The following BRSK1 variants were observed in gnomAD, a reference collection of about 807,000 sequenced individuals.
The protein encoded by BRSK1 is BR serine/threonine kinase 1.
A neutral mutation model predicts 86.2 loss-of-function variants in BRSK1; 17 were observed. The ratio of observed to expected loss-of-function variants is 0.20; its 90% CI spans 0.14 to 0.30. The LOEUF is 0.30. BRSK1 is among the 10% of genes least tolerant of loss of function. BRSK1 has a pLI of 1.00. For missense variants in BRSK1, 719 were observed against 1,071.9 expected, an observed-to-expected ratio of 0.67 and a Z score of 4.60; for synonymous variants, 464 against 440.1, an observed-to-expected ratio of 1.05 and a Z score of -0.68.
At chr19:55,305,723 G>C in intron 16 of BRSK1, 137 bp downstream of exon 16, 1 of 1,362,304 alleles carries the variant, frequency 7.3e-7, no homozygotes, top group Non-Finnish European at 1.0e-6. Context: ...GCCAGAGTTG[G>C]TTAGAAGTCG....
chr19:55,305,136 G>A lies in BRSK1; in HGVS notation c.1718-185G>A, dbSNP rs368135649. Among the ~76,000 whole-genome samples the A allele has an allele frequency of 8.7e-4, 132 of 152,294 alleles. 1 individual carries two copies. The South Asian group carries it at 0.016, about 18-fold the overall frequency. Reference sequence around the variant, plus strand: ...GGAGGACCCCGATTGAAGGGCACGCGCCTTTGGGGCTCTGGATTACCTCCC... The same window carrying A: ...GGAGGACCCCGATTGAAGGGCACGCACCTTTGGGGCTCTGGATTACCTCCC... On this transcript the variant is annotated intron_variant, in intron 14 of 18. Transcript: ENST00000309383.
intron 7 of BRSK1, among the ~76,000 whole-genome samples, chr19:55,301,246 C>T (rs777076221): frequency 6.6e-6 from 1 of 152,184 alleles, no homozygotes; most frequent in African/African-American, 2.4e-5. Flanking sequence ...GAGAGACAAC[C>T]GTTTCGAAAC....
chr19:55,312,533 CAAAAAAAAAAAAAAAA>C lies in BRSK1; in HGVS notation c.*479_*494del, dbSNP rs372052269. ...TCCGTGTCTCTGATTCCGCCGGCGG[CAAAAAAAAAAAAAAAA>C]AAAAAAAAAAAAAGATAATAATAAT... On this transcript the variant is annotated 3_prime_UTR_variant, in exon 19 of 19. Coordinates refer to ENST00000309383, the MANE Select transcript of BRSK1 (RefSeq NM_032430.2). 12 of 25,736 alleles carry C rather than the reference CAAAAAAAAAAAAAAAA, an allele frequency of 4.7e-4. 2 individuals carry two copies. Among genetic ancestry groups the C allele is most frequent in the Admixed American group, 2.1e-3 (3 of 1,456 alleles). 1.6% of individuals were successfully genotyped at this position (25,736 alleles called of 1,614,324 possible). A position where few individuals can be genotyped will look rare whatever the true frequency, so the allele number is the denominator to read the frequency against.
At chr19:55,291,712 T>G (rs10403600) in intron 4 of BRSK1, among the ~76,000 whole-genome samples, 106,624 of 152,056 alleles carry the variant, frequency 0.7, 37,777 homozygotes, top group East Asian at 0.84. Context: ...ACTCAGACTT[T>G]GGGTAAAGCT....
In BRSK1 at chr19:55,306,126, A is replaced by G. The variant is rs1051067890; in HGVS notation, c.1891-126A>G. 4.7e-5 allele frequency: 42 copies of G among 896,304 alleles called. No homozygotes were observed. The highest frequency in any genetic ancestry group is 2.3e-4 in the African/African-American group (14 of 60,128). 55.5% of individuals were successfully genotyped at this position (896,304 alleles called of 1,614,324 possible). A position where few individuals can be genotyped will look rare whatever the true frequency, so the allele number is the denominator to read the frequency against. ...TCCTTGCAGGCAGTGGGGCCTCCCAATGCATTTCCTGTCCTTCTTTCCCTC... is the reference window on the plus strand; with the variant it reads ...TCCTTGCAGGCAGTGGGGCCTCCCAGTGCATTTCCTGTCCTTCTTTCCCTC... On this transcript the variant is annotated intron_variant, in intron 16 of 18. Coordinates refer to ENST00000309383, the MANE Select transcript of BRSK1 (RefSeq NM_032430.2). The surrounding 1 kb of genome is among the most constrained non-coding windows in gnomAD (Gnocchi z 4.7).
chr19:55,284,207 GC>G lies in BRSK1; in HGVS notation c.-230del, dbSNP rs2088273614. The G allele has an allele frequency of 1.4e-5, 10 of 718,034 alleles. No homozygotes were observed. The highest frequency in any genetic ancestry group is 7.0e-5 in the South Asian group (1 of 14,288). The allele number at this position is 718,034 out of a possible 1,614,324, so 44.5% of individuals were successfully genotyped here. ...CGGGCTGGGGAGGGGGGGCCCCGCAGCCCCCCTGGGCCATGCTGACTCCCGG... is the reference window on the plus strand; with the variant it reads ...CGGGCTGGGGAGGGGGGGCCCCGCAGCCCCCTGGGCCATGCTGACTCCCGG... On this transcript the variant is annotated 5_prime_UTR_variant, in exon 1 of 19. It removes the in-frame stop codon of an upstream open reading frame in the 5' UTR. Coordinates refer to ENST00000309383, the MANE Select transcript of BRSK1 (RefSeq NM_032430.2).
chr19:55,299,228 C>T (rs986109760), intron 7 of BRSK1, among the ~76,000 whole-genome samples: 4 of 152,146 alleles, frequency 2.6e-5, no homozygotes, highest in African/African-American at 7.2e-5. Flanking sequence ...AAAAATGTGA[C>T]GAGAGGGTCA....
intron 7 of BRSK1, among the ~76,000 whole-genome samples, chr19:55,296,642 C>A (rs1218840195): frequency 6.6e-6 from 1 of 152,138 alleles, no homozygotes; most frequent in South Asian, 2.1e-4. Context: ...GTCAGGAAAT[C>A]GAGACCGTCC....
At chr19:55,305,894 G>T (rs2088643691) in intron 16 of BRSK1, among the ~76,000 whole-genome samples, 1 of 152,194 alleles carries the variant, frequency 6.6e-6, no homozygotes, top group Non-Finnish European at 1.5e-5. Flanking sequence ...CCCCATTGCT[G>T]GTCTGTGGTT....
At position 55,302,409 on chromosome 19, in the gene BRSK1, C is replaced by T. The variant is rs925099425; in HGVS notation, c.857+241C>T. 4 of 612,650 alleles carry T rather than the reference C, an allele frequency of 6.5e-6. No individual in the cohort carries two copies. Among genetic ancestry groups the T allele is most frequent in the Non-Finnish European group, 1.1e-5 (4 of 348,970 alleles). 38.0% of individuals were successfully genotyped at this position (612,650 alleles called of 1,614,324 possible). A position where few individuals can be genotyped will look rare whatever the true frequency, so the allele number is the denominator to read the frequency against. On this transcript the variant is annotated intron_variant, in intron 9 of 18. Coordinates refer to ENST00000309383, the MANE Select transcript of BRSK1 (RefSeq NM_032430.2). The surrounding 1 kb of genome is among the most constrained non-coding windows in gnomAD (Gnocchi z 6.3). ...GTTTGAGGGAAAAAGGGACTGGGGG[C>T]CTGGACTCCTGGATCCGAGGGAGGA...
intron 1 of BRSK1, among the ~76,000 whole-genome samples, chr19:55,286,728 C>T (rs2088322992): frequency 6.6e-6 from 1 of 150,858 alleles, no homozygotes; most frequent in African/African-American, 2.4e-5. Context: ...GCGGGCTCCC[C>T]AGGACGGAGA....
Position 55,287,162 on chromosome 19 carries a change from G to A in BRSK1, c.232-52G>A. Reference sequence around the variant, plus strand: ...GGGGCCTCCGGGGCTGAGGGCAGGGGCGGGGCCGTGCTGACCTCTTTTCCC... The same window carrying A: ...GGGGCCTCCGGGGCTGAGGGCAGGGACGGGGCCGTGCTGACCTCTTTTCCC... On this transcript the variant is annotated intron_variant, in intron 2 of 18. Coordinates refer to ENST00000309383, the MANE Select transcript of BRSK1 (RefSeq NM_032430.2). This position sits in a 1 kb window ranked among gnomAD's most constrained non-coding sequence, Gnocchi z 5.3. 1 of 1,611,724 alleles carries A rather than the reference G, an allele frequency of 6.2e-7. No homozygotes were observed. The highest frequency in any genetic ancestry group is 8.5e-7 in the Non-Finnish European group (1 of 1,177,950).
At chr19:55,288,453 G>A (rs748760168) in intron 3 of BRSK1, among the ~76,000 whole-genome samples, 16 of 126,920 alleles carry the variant, frequency 1.3e-4, no homozygotes, top group East Asian at 2.4e-4. Flanking sequence ...CAGCGTGGGC[G>A]ACAGAGCAAG....
At chr19:55,285,703 G>T (rs1196475518) in intron 1 of BRSK1, among the ~76,000 whole-genome samples, 1 of 152,154 alleles carries the variant, frequency 6.6e-6, no homozygotes, top group South Asian at 2.1e-4. Flanking sequence ...GCTGGCCACC[G>T]GCCGCGGCCT....
At chr19:55,300,773 A>G (rs2088559450) in intron 7 of BRSK1, among the ~76,000 whole-genome samples, 1 of 152,204 alleles carries the variant, frequency 6.6e-6, no homozygotes, top group Non-Finnish European at 1.5e-5. Context: ...TGGGAGAGGC[A>G]GAGGTTGCAG....
At chr19:55,305,224 G>T in intron 14 of BRSK1, 97 bp from the exon 15 acceptor site, 1 of 1,506,526 alleles carries the variant, frequency 6.6e-7, no homozygotes, top group Non-Finnish European at 9.1e-7. Context: ...GCAACCCAAG[G>T]CTCTGGAACC....
Position 55,302,275 on chromosome 19 carries a change from A to G in BRSK1, c.857+107A>G, listed in dbSNP as rs140346267. The G allele has an allele frequency of 7.1e-4, 932 of 1,315,410 alleles. 4 individuals are homozygous for G. The highest frequency in any genetic ancestry group is 1.2e-3 in the South Asian group (105 of 85,028). 81.5% of individuals were successfully genotyped at this position (1,315,410 alleles called of 1,614,324 possible). The stretch of plus-strand genomic sequence containing the variant: ...GGGATGCCAGGGTTCCTGAGAGGCA[A>G]CGGGCTAGGGACTCGGACTTATGGG... On this transcript the variant is annotated intron_variant, in intron 9 of 18. Coordinates refer to ENST00000309383, the MANE Select transcript of BRSK1 (RefSeq NM_032430.2). This position sits in a 1 kb window ranked among gnomAD's most constrained non-coding sequence, Gnocchi z 6.3.
At chr19:55,300,565 G>A (rs554988586) in intron 7 of BRSK1, among the ~76,000 whole-genome samples, 1 of 152,114 alleles carries the variant, frequency 6.6e-6, no homozygotes, top group African/African-American at 2.4e-5. Context: ...TAGGCTGGGT[G>A]TGGTGGCTCA....
In BRSK1 at chr19:55,306,214, C is replaced by G; in HGVS notation, c.1891-38C>G. On this transcript the variant is annotated intron_variant, in intron 16 of 18. Transcript: ENST00000309383. This position sits in a 1 kb window ranked among gnomAD's most constrained non-coding sequence, Gnocchi z 4.7. ...TGGTCGTGGGGCTGGGTATCCATTT[C>G]CTGGGCTCACCCCTTCCTGTGTTCC... The G allele has an allele frequency of 6.2e-7, 1 of 1,606,856 alleles. No individual in the cohort carries two copies. Among genetic ancestry groups the G allele is most frequent in the Non-Finnish European group, 8.5e-7 (1 of 1,175,094 alleles).
Sources: allele counts gnomAD v4.1 joint callset (sites outside exome capture counted in the v4.1 genomes callset), GRCh38; gene constraint gnomAD v4.1.1; non-coding constraint Gnocchi (gnomAD v3.1); transcripts MANE v1.5; gene names NCBI Gene and HGNC (gene_info 2026-07-23, HGNC 2026-07-21).